CFAP43: variants seen among roughly 807,000 people sequenced by gnomAD.
CFAP43 encodes cilia and flagella associated protein 43.
CFAP43 carries 155 observed loss-of-function variants against 218.9 expected under a neutral mutation model. The observed-to-expected ratio is 0.71, with a 90% confidence interval of 0.62 to 0.81. The LOEUF is 0.81. CFAP43 is among the 30% of genes least tolerant of loss of function. CFAP43 has a pLI of 0.00. For missense variants in CFAP43, 1,778 were observed against 1,954.3 expected, an observed-to-expected ratio of 0.91 and a Z score of 1.70; for synonymous variants, 645 against 681.3, an observed-to-expected ratio of 0.95 and a Z score of 0.83.
chr10:104,230,609 G>A lies in CFAP43; in HGVS notation c.300C>T (p.Thr100=), dbSNP rs755164901. 4 of 1,614,056 alleles carry A rather than the reference G, an allele frequency of 2.5e-6. No individual in the cohort carries two copies. The South Asian group carries it at 4.4e-5, about 18-fold the overall frequency. Residue 100 remains threonine (T), a synonymous_variant, in exon 2 of 38, where the codon ACC becomes ACT. Transcript: ENST00000357060. ...GAATACCTTTCAATTTGGTCCTTCT[G>A]GTCAATCCTGGAAAGCTGTATACGT... ...LIYVYSFPGL[T]RRTKLKGNIL... is the part of the protein sequence containing the mutation.
At chr10:104,157,478 G>T (rs2088609290) in intron 27 of CFAP43, among the ~76,000 whole-genome samples, 1 of 152,150 alleles carries the variant, frequency 6.6e-6, no homozygotes, top group African/African-American at 2.4e-5. Context: ...TACCAAAGGG[G>T]CTCAGCGTCT....
intron 37 of CFAP43, 42 bp from the exon 38 acceptor site, chr10:104,130,347 A>C (rs772245939): frequency 6.3e-7 from 1 of 1,576,922 alleles, no homozygotes; most frequent in Non-Finnish European, 8.6e-7. Context: ...ATTTATCAAT[A>C]CTTTCAAATA....
At chr10:104,154,035 G>T (rs941766568) in intron 27 of CFAP43, among the ~76,000 whole-genome samples, 5 of 152,214 alleles carry the variant, frequency 3.3e-5, no homozygotes, top group Admixed American at 3.3e-4. Flanking sequence ...CATGATGTTG[G>T]TTTGCTTCAT....
At position 104,203,617 on chromosome 10, in the gene CFAP43, GATGATAATA is replaced by G. The variant is rs781426407; in HGVS notation, c.1095+46_1095+54del. On this transcript the variant is annotated intron_variant, in intron 8 of 37. Transcript: ENST00000357060. ...CTGCTCCTCATTCCTGTCATGTAAT[GATGATAATA>G]ATACTATCTGAAAATCACATATCAA... 2.0e-5 allele frequency: 30 copies of G among 1,518,260 alleles called. No homozygotes were observed. The African/African-American group carries it at 3.0e-4, about 15-fold the overall frequency. The allele number at this position is 1,518,260 out of a possible 1,614,324, so 94.0% of individuals were successfully genotyped here. A position where few individuals can be genotyped will look rare whatever the true frequency, so the allele number is the denominator to read the frequency against.
At chr10:104,133,928 G>T in intron 34 of CFAP43, 144 bp from the exon 35 acceptor site, 3 of 728,476 alleles carry the variant, frequency 4.1e-6, no homozygotes, top group Non-Finnish European at 4.2e-6. Context: ...ATTAAAAATG[G>T]CTTCTTGGGC....
intron 25 of CFAP43, 42 bp downstream of exon 25, chr10:104,162,275 G>A (rs1330492196): frequency 6.4e-7 from 1 of 1,558,730 alleles, no homozygotes; most frequent in Non-Finnish European, 8.8e-7. Flanking sequence ...TATCCCTAAA[G>A]CAAAGAGGGT....
intron 15 of CFAP43, 33 bp downstream of exon 15, chr10:104,185,941 C>T: frequency 3.8e-6 from 6 of 1,596,450 alleles, no homozygotes; most frequent in East Asian, 2.2e-5. Flanking sequence ...AATATATACA[C>T]CCACAATATT....
At chr10:104,132,366 C>G (rs2087240224) in intron 35 of CFAP43, among the ~76,000 whole-genome samples, 170 bp from the exon 36 acceptor site, 1 of 152,044 alleles carries the variant, frequency 6.6e-6, no homozygotes, top group Non-Finnish European at 1.5e-5. Context: ...AATCCCAGCA[C>G]TTTGGGAGGC....
At chr10:104,222,691 G>C (rs528511268) in intron 3 of CFAP43, among the ~76,000 whole-genome samples, 1 of 152,142 alleles carries the variant, frequency 6.6e-6, no homozygotes, top group African/African-American at 2.4e-5. Context: ...GGTTGGGACC[G>C]GGAGGAGATA....
At position 104,232,186 on chromosome 10, in the gene CFAP43, C is replaced by T. The variant is rs1393852816; in HGVS notation, c.61G>A (p.Val21Met). 19 of 1,609,024 alleles carry T rather than the reference C, an allele frequency of 1.2e-5. No individual in the cohort carries two copies. Among genetic ancestry groups the T allele is most frequent in the Non-Finnish European group, 1.5e-5 (18 of 1,178,340 alleles). The change falls in exon 1 of 38, where the codon GTG (valine) becomes ATG (methionine). Residue 21 changes from valine to methionine, a missense_variant. By Grantham distance (21) the Val-to-Met change is conservative (BLOSUM62 1). Coordinates refer to ENST00000357060, the MANE Select transcript of CFAP43 (RefSeq NM_025145.7). ...GCGGGGCCGTGAACACCGCACCTCA[C>T]GGACAAGGACGCGCCGCCGGCGGAG... ...PHSAGGASLS[V>M]RWVQGFPKQN...
chr10:104,196,564 C>G (rs547826454), intron 10 of CFAP43, among the ~76,000 whole-genome samples: 38 of 152,290 alleles, frequency 2.5e-4, no homozygotes, highest in Non-Finnish European at 5.9e-5. Flanking sequence ...CCCTGCCAAT[C>G]CACAATGAAC....
At chr10:104,155,410 G>C (rs2088490290) in intron 27 of CFAP43, among the ~76,000 whole-genome samples, 1 of 152,208 alleles carries the variant, frequency 6.6e-6, no homozygotes, top group Non-Finnish European at 1.5e-5. Flanking sequence ...GTCAATGTCT[G>C]TGTTCACCAT....
intron 1 of CFAP43, among the ~76,000 whole-genome samples, chr10:104,231,422 C>T (rs1054760022): frequency 6.6e-6 from 1 of 151,984 alleles, no homozygotes; most frequent in African/African-American, 2.4e-5. Flanking sequence ...GGCTAGCACA[C>T]AAAAAGAACA....
chr10:104,164,868 T>C (rs2089073758), intron 23 of CFAP43, among the ~76,000 whole-genome samples: 1 of 152,204 alleles, frequency 6.6e-6, no homozygotes, highest in Non-Finnish European at 1.5e-5. Flanking sequence ...TGTAACTCCA[T>C]GTGCAGGTTG....
At position 104,131,476 on chromosome 10, in the gene CFAP43, T is replaced by C. The variant is rs753792021; in HGVS notation, c.4686A>G (p.Lys1562=). ...QTIAVLDKMH[K]KNVENCKKLL... ...GTTTCTTGCAGTTTTCCACATTCTT[T>C]TTGTGCATCTGAAATTTTTGTTCCC... The change falls in exon 37 of 38, where the codon AAA becomes AAG. Residue 1562 remains lysine (K), a synonymous_variant. Transcript: ENST00000357060. 1.2e-6 allele frequency: 2 copies of C among 1,607,094 alleles called. No individual in the cohort carries two copies. The highest frequency in any genetic ancestry group is 2.7e-5 in the African/African-American group (2 of 74,310).
chr10:104,186,244 G>A (rs1033268873), intron 14 of CFAP43, 121 bp from the exon 15 acceptor site: 6 of 777,564 alleles, frequency 7.7e-6, no homozygotes, highest in Non-Finnish European at 1.1e-5. Flanking sequence ...GGCATAAAGT[G>A]CAAACATTGT....
rs562312966 is a variant in CFAP43 at position 104,164,592 on chromosome 10, G to T, written c.3040-292C>A. 1.2e-3 allele frequency among the ~76,000 whole-genome samples: 189 copies of T among 152,206 alleles called. 1 individual carries two copies. The highest frequency in any genetic ancestry group is 4.3e-3 in the African/African-American group (179 of 41,520). ...TTTTTGTATTTTTAATAGAGACGGGGTTTCACTATGTTAGCCAGGATGGTC... is the reference window on the plus strand; with the variant it reads ...TTTTTGTATTTTTAATAGAGACGGGTTTTCACTATGTTAGCCAGGATGGTC... On this transcript the variant is annotated intron_variant, in intron 23 of 37. Transcript: ENST00000357060.
In CFAP43 at chr10:104,181,155, C is replaced by G. The variant is rs547852116; in HGVS notation, c.2289+1211G>C. Among the ~76,000 whole-genome samples the G allele has an allele frequency of 2.0e-5, 3 of 152,212 alleles. No homozygotes were observed. In the South Asian group the frequency reaches 6.2e-4, roughly 32 times the overall value. ...CCCTTCTTTCTCTTCATAGCTGCCC[C>G]CTTCCCCCAGAGTCTGCCCCATCTC... On this transcript the variant is annotated intron_variant, in intron 17 of 37. Transcript: ENST00000357060.
chr10:104,175,153 G>A (rs2089577366), intron 19 of CFAP43, among the ~76,000 whole-genome samples: 1 of 151,952 alleles, frequency 6.6e-6, no homozygotes, highest in African/African-American at 2.4e-5. Context: ...TAAATATACA[G>A]GCCTGGTGCA....
Sources: gnomAD v4.1 joint callset for allele counts (sites outside exome capture counted in the v4.1 genomes callset) on GRCh38, gnomAD v4.1.1 for gene constraint, MANE v1.5 for transcripts, NCBI Gene and HGNC (gene_info 2026-07-23, HGNC 2026-07-21) for gene names.